The following PDS5A variants were observed in gnomAD, a reference collection of about 807,000 sequenced individuals.
The protein encoded by PDS5A is PDS5 cohesin associated factor A.
PDS5A carries 42 observed loss-of-function variants against 167.1 expected under a neutral mutation model. That is an observed-to-expected ratio of 0.25 (90% CI 0.20 to 0.33). The LOEUF is 0.33. Ranked by LOEUF, PDS5A falls within the 10% of genes least tolerant of loss-of-function variation. PDS5A has a pLI of 1.00. For synonymous variants in PDS5A, 553 were observed against 554.6 expected, an observed-to-expected ratio of 1.00 and a Z score of 0.04; for missense variants, 1,033 against 1,605.9, an observed-to-expected ratio of 0.64 and a Z score of 6.10.
At position 39,918,201 on chromosome 4, in the gene PDS5A, A is replaced by C. The variant is rs545191548; in HGVS notation, c.736-1013T>G. Among the ~76,000 whole-genome samples the C allele has an allele frequency of 1.9e-3, 286 of 150,876 alleles. 1 individual carries two copies. In the Middle Eastern group the frequency reaches 0.02, roughly 11 times the overall value. On this transcript the variant is annotated intron_variant, in intron 7 of 32. Coordinates refer to ENST00000303538, the MANE Select transcript of PDS5A (RefSeq NM_001100399.2). ...CTGTCTCAAAAAAAAAAAAAAAAAA[A>C]CAGAATAATTTTTCCATGAGTTTAG...
chr4:39,867,690 A>G (rs1047970246), intron 22 of PDS5A, among the ~76,000 whole-genome samples: 3 of 151,748 alleles, frequency 2.0e-5, no homozygotes, highest in African/African-American at 7.3e-5. Flanking sequence ...ACTGCACTCC[A>G]GCCTGGGTGA....
chr4:39,907,861 C>T (rs1025677884), intron 11 of PDS5A, among the ~76,000 whole-genome samples: 2 of 152,314 alleles, frequency 1.3e-5, no homozygotes, highest in East Asian at 3.9e-4. Context: ...GCTGGGATTA[C>T]AGGCGTGAGC....
intron 2 of PDS5A, among the ~76,000 whole-genome samples, chr4:39,960,087 C>T (rs1243827697): frequency 1.3e-5 from 2 of 151,160 alleles, no homozygotes; most frequent in Admixed American, 1.3e-4. Flanking sequence ...AGTGAGACTT[C>T]GTCTCAAAAA....
At chr4:39,867,125 G>T in intron 22 of PDS5A, 128 bp from the exon 23 acceptor site, 1 of 681,200 alleles carries the variant, frequency 1.5e-6, no homozygotes, top group Non-Finnish European at 2.4e-6. Flanking sequence ...AAGTCTATGG[G>T]ATAATAACAG....
At chr4:39,929,938 G>A (rs1261700527) in intron 2 of PDS5A, among the ~76,000 whole-genome samples, 4 of 150,938 alleles carry the variant, frequency 2.7e-5, no homozygotes, top group Admixed American at 1.3e-4. Context: ...TTGGGGGGCC[G>A]GGCGAGGTGG....
intron 13 of PDS5A, among the ~76,000 whole-genome samples, chr4:39,901,266 C>CTTTTTTTTTTTTTTTTTTT (rs772230554): frequency 4.1e-5 from 5 of 121,280 alleles, no homozygotes; most frequent in Non-Finnish European, 6.7e-5. Context: ...TCTTTTCTTT[C>CTTTTTTTTTTTTTTTTTTT]TTTTTTTTTT....
At chr4:39,901,855 T>C (rs1722915467) in intron 13 of PDS5A, among the ~76,000 whole-genome samples, 2 of 152,168 alleles carry the variant, frequency 1.3e-5, no homozygotes, top group African/African-American at 4.8e-5. Context: ...AAAAAATCTA[T>C]TAAAGTGAAA....
At position 39,920,308 on chromosome 4, in the gene PDS5A, G is replaced by A. The variant is rs762772264; in HGVS notation, c.735+11C>T. ...ACAAAATATAGAATAAACATAGAAA[G>A]AAATACATACATTAGCAATGCATGC... On this transcript the variant is annotated intron_variant, in intron 7 of 32. Transcript: ENST00000303538. 11 of 1,204,566 alleles carry A rather than the reference G, an allele frequency of 9.1e-6. No individual in the cohort carries two copies. Among genetic ancestry groups the A allele is most frequent in the Non-Finnish European group, 1.2e-5 (10 of 834,704 alleles). 74.6% of individuals were successfully genotyped at this position (1,204,566 alleles called of 1,614,324 possible).
chr4:39,848,455 T>C (rs1230441815), intron 28 of PDS5A: 1 of 187,288 alleles, frequency 5.3e-6, no homozygotes, highest in Non-Finnish European at 1.1e-5. Context: ...CAATTGTCCA[T>C]ATGTATTATT....
chr4:39,897,254 A>G (rs751665468), intron 16 of PDS5A, among the ~76,000 whole-genome samples: 66 of 151,898 alleles, frequency 4.3e-4, no homozygotes, highest in Non-Finnish European at 8.2e-4. Context: ...AATTAGCCAG[A>G]TGTGATGGCT....
At chr4:39,853,714 T>C (rs1232726406) in intron 26 of PDS5A, among the ~76,000 whole-genome samples, 1 of 152,206 alleles carries the variant, frequency 6.6e-6, no homozygotes, top group Non-Finnish European at 1.5e-5. Context: ...AACCACACTT[T>C]TTCCCCTGGC....
At chr4:39,972,573 T>C (rs994706670) in intron 2 of PDS5A, among the ~76,000 whole-genome samples, 3 of 151,612 alleles carry the variant, frequency 2.0e-5, no homozygotes, top group African/African-American at 4.8e-5. Flanking sequence ...AGGGTCTATG[T>C]TGCCCAGGTC....
chr4:39,832,251 T>A (rs1421084214), intron 32 of PDS5A, among the ~76,000 whole-genome samples: 1 of 151,774 alleles, frequency 6.6e-6, no homozygotes, highest in Admixed American at 6.6e-5. Context: ...TCTCACTCTG[T>A]CGCCCAGGCT....
At chr4:39,920,204 A>G (rs1238890884) in intron 7 of PDS5A, 115 bp downstream of exon 7, 2 of 476,354 alleles carry the variant, frequency 4.2e-6, no homozygotes, top group Non-Finnish European at 7.5e-6. Context: ...ACATCTGGAC[A>G]TAAGTTATTT....
In PDS5A at chr4:39,872,277, A is replaced by C. The variant is rs1319362750; in HGVS notation, c.2436+709T>G. On this transcript the variant is annotated intron_variant, in intron 21 of 32. Coordinates refer to ENST00000303538, the MANE Select transcript of PDS5A (RefSeq NM_001100399.2). ...CTGCAACCTCTGCCTTCTGGGTTCA[A>C]GTGATTCTCCTGCCTCAGCCTCCTG... is the stretch of plus-strand genomic sequence containing the variant. Among the ~76,000 whole-genome samples the C allele has an allele frequency of 5.3e-5, 8 of 150,168 alleles. No homozygotes were observed. In the East Asian group the frequency reaches 1.6e-3, roughly 30 times the overall value.
intron 2 of PDS5A, among the ~76,000 whole-genome samples, chr4:39,944,116 TTGCAGTGAGCCGAGATCACACCAC>T (rs1352809735): frequency 6.9e-6 from 1 of 145,472 alleles, no homozygotes; most frequent in Non-Finnish European, 1.5e-5. Flanking sequence ...AAGGCGGAGC[TTGCAGTGAGCCGAGATCACACCAC>T]TGCAGTCCAG....
intron 32 of PDS5A, among the ~76,000 whole-genome samples, chr4:39,829,649 CA>C (rs150136201): frequency 2.2e-3 from 240 of 107,828 alleles, no homozygotes; most frequent in East Asian, 0.015. Flanking sequence ...TTCATCTCCA[CA>C]AAAAAAAAAA....
chr4:39,840,025 C>T (rs904658827), intron 31 of PDS5A, among the ~76,000 whole-genome samples: 5 of 151,916 alleles, frequency 3.3e-5, no homozygotes, highest in Non-Finnish European at 5.9e-5. Context: ...ACCCAGGAGG[C>T]AGAGGTTGCA....
chr4:39,918,274 GTTTCT>G (rs1218732119), intron 7 of PDS5A, among the ~76,000 whole-genome samples: 2 of 149,780 alleles, frequency 1.3e-5, no homozygotes, highest in African/African-American at 4.9e-5. Context: ...TTGTTGGGTT[GTTTCT>G]TTTAATACTC....
Sources: allele counts gnomAD v4.1 joint callset (sites outside exome capture counted in the v4.1 genomes callset), GRCh38; gene constraint gnomAD v4.1.1; transcripts MANE v1.5; gene names NCBI Gene and HGNC (gene_info 2026-07-23, HGNC 2026-07-21).